NDUFAF2: variants seen among roughly 807,000 people sequenced by gnomAD.
The protein encoded by NDUFAF2 is NADH:ubiquinone oxidoreductase complex assembly factor 2, also known as NADH dehydrogenase [ubiquinone] 1 alpha subcomplex assembly factor 2.
A neutral mutation model predicts 22.8 loss-of-function variants in NDUFAF2; 13 were observed. That is an observed-to-expected ratio of 0.57 (90% CI 0.37 to 0.91). The LOEUF is 0.91. Ranked by LOEUF, NDUFAF2 falls within the 40% of genes least tolerant of loss-of-function variation. NDUFAF2 has a pLI of 0.01. For missense variants in NDUFAF2, 162 were observed against 195.2 expected (o/e 0.83, Z 1.01); for synonymous variants, 53 against 64.2 (o/e 0.83, Z 0.84).
chr5:61,082,583 C>G (rs1339172406), intron 2 of NDUFAF2, among the ~76,000 whole-genome samples: 5 of 152,112 alleles, frequency 3.3e-5, no homozygotes, highest in African/African-American at 1.2e-4. Flanking sequence ...GATGTATACT[C>G]AGTATTTAGC....
At chr5:61,061,231 A>G (rs1384004004) in intron 1 of NDUFAF2, among the ~76,000 whole-genome samples, 1 of 152,212 alleles carries the variant, frequency 6.6e-6, no homozygotes, top group Non-Finnish European at 1.5e-5. Context: ...ATCCCTTTCC[A>G]TTAATAATTT....
At chr5:61,032,248 A>G (rs540401431) in intron 1 of NDUFAF2, among the ~76,000 whole-genome samples, 90 of 152,186 alleles carry the variant, frequency 5.9e-4, no homozygotes, top group Non-Finnish European at 9.0e-4. Context: ...CCATTTGTCA[A>G]TTTTGGCTTG....
chr5:61,122,765 G>A (rs1752991719), intron 3 of NDUFAF2, among the ~76,000 whole-genome samples: 1 of 152,134 alleles, frequency 6.6e-6, no homozygotes, highest in South Asian at 2.1e-4. Context: ...TAAAAGTCCT[G>A]TGGCAGACAC....
chr5:61,024,070 T>A (rs1751620165), intron 1 of NDUFAF2, among the ~76,000 whole-genome samples: 1 of 152,172 alleles, frequency 6.6e-6, no homozygotes, highest in Non-Finnish European at 1.5e-5. Context: ...TGAAAGTATT[T>A]TATCCAGTAT....
At chr5:61,094,156 A>G (rs1752606221) in intron 2 of NDUFAF2, among the ~76,000 whole-genome samples, 2 of 152,160 alleles carry the variant, frequency 1.3e-5, no homozygotes, top group Non-Finnish European at 2.9e-5. Flanking sequence ...ACATAATCCC[A>G]TATTTCTCAG....
intron 1 of NDUFAF2, among the ~76,000 whole-genome samples, chr5:61,070,981 G>A (rs1752291639): frequency 6.6e-6 from 1 of 151,850 alleles, no homozygotes; most frequent in South Asian, 2.1e-4. Context: ...TGAAGACATC[G>A]GTATTTGACT....
chr5:61,151,813 C>A (rs1000327647), intron 3 of NDUFAF2, among the ~76,000 whole-genome samples: 16 of 149,652 alleles, frequency 1.1e-4, no homozygotes, highest in African/African-American at 3.7e-4. Context: ...AAAAAAAAAC[C>A]AAAACAAACA....
At chr5:61,091,025 TTTTTA>T (rs1459173282) in intron 2 of NDUFAF2, among the ~76,000 whole-genome samples, 1 of 152,224 alleles carries the variant, frequency 6.6e-6, no homozygotes, top group African/African-American at 2.4e-5. Context: ...ATCTTGTTCT[TTTTTA>T]TGGCTGCATG....
chr5:60,967,194 T>G (rs1280974569), intron 1 of NDUFAF2, among the ~76,000 whole-genome samples: 2 of 152,078 alleles, frequency 1.3e-5, no homozygotes, highest in Non-Finnish European at 2.9e-5. Flanking sequence ...TCTTGATTTT[T>G]GTACCCTGCA....
chr5:61,000,950 A>G (rs1052531422), intron 1 of NDUFAF2, among the ~76,000 whole-genome samples: 28 of 152,160 alleles, frequency 1.8e-4, no homozygotes, highest in African/African-American at 4.8e-4. Context: ...GAGCATTGGA[A>G]TGAGGCAGAT....
At chr5:60,994,357 G>A (rs903465796) in intron 1 of NDUFAF2, among the ~76,000 whole-genome samples, 3 of 152,294 alleles carry the variant, frequency 2.0e-5, no homozygotes, top group African/African-American at 7.2e-5. Flanking sequence ...CCTGCTCCAG[G>A]AGTGGGAGGC....
chr5:60,996,141 G>A (rs552347207), intron 1 of NDUFAF2, among the ~76,000 whole-genome samples: 2 of 152,220 alleles, frequency 1.3e-5, no homozygotes, highest in African/African-American at 4.8e-5. Context: ...GTACCCCACT[G>A]TGGCTGTGCT....
At chr5:61,081,065 C>T (rs930159341) in intron 2 of NDUFAF2, among the ~76,000 whole-genome samples, 8 of 152,100 alleles carry the variant, frequency 5.3e-5, no homozygotes, top group African/African-American at 1.9e-4. Context: ...AATTTTCCAG[C>T]ACCGTTTTTT....
chr5:61,099,383 CT>C (rs1231593791), intron 3 of NDUFAF2, among the ~76,000 whole-genome samples: 2 of 151,320 alleles, frequency 1.3e-5, no homozygotes, highest in Non-Finnish European at 2.9e-5. Context: ...AATACTCAAG[CT>C]TTTGTGGAAA....
At chr5:61,042,321 A>G (rs1390112246) in intron 1 of NDUFAF2, among the ~76,000 whole-genome samples, 3 of 152,156 alleles carry the variant, frequency 2.0e-5, no homozygotes, top group Middle Eastern at 3.2e-3. Context: ...GATATGTTCT[A>G]TGTATTAATA....
chr5:61,134,156 A>G (rs1753146082), intron 3 of NDUFAF2, among the ~76,000 whole-genome samples: 3 of 152,170 alleles, frequency 2.0e-5, no homozygotes, highest in Non-Finnish European at 4.4e-5. Context: ...TGTCAAGTAA[A>G]AAAAGTAAGA....
intron 3 of NDUFAF2, among the ~76,000 whole-genome samples, chr5:61,099,936 T>G (rs928005692): frequency 3.9e-5 from 6 of 152,166 alleles, no homozygotes; most frequent in African/African-American, 1.4e-4. Context: ...ATACCTCAAC[T>G]GGCATGCTTA....
At chr5:61,128,560 A>G (rs1257619735) in intron 3 of NDUFAF2, among the ~76,000 whole-genome samples, 1 of 152,198 alleles carries the variant, frequency 6.6e-6, no homozygotes, top group Non-Finnish European at 1.5e-5. Flanking sequence ...AGGTTTCCCT[A>G]TTTAACAAAT....
chr5:60,984,529 T>G (rs371169214), intron 1 of NDUFAF2, among the ~76,000 whole-genome samples: 1 of 152,182 alleles, frequency 6.6e-6, no homozygotes, highest in African/African-American at 2.4e-5. Context: ...ATATTGGCTG[T>G]GGGTGTGTCA....
Sources: gnomAD v4.1 joint callset for allele counts (sites outside exome capture counted in the v4.1 genomes callset) on GRCh38, gnomAD v4.1.1 for gene constraint, MANE v1.5 for transcripts, NCBI Gene and HGNC (gene_info 2026-07-23, HGNC 2026-07-21) for gene names.